CDC16: variants seen among roughly 807,000 people sequenced by gnomAD.
The protein encoded by CDC16 is cell division cycle 16.
A neutral mutation model predicts 87.0 loss-of-function variants in CDC16; 34 were observed. The observed-to-expected ratio is 0.39, with a 90% CI of 0.30 to 0.52. The LOEUF is 0.52. Among genes scored for constraint, CDC16 ranks in the 20% least tolerant of loss-of-function variants. CDC16 has a pLI of 0.74. For synonymous variants in CDC16, 263 were observed against 260.6 expected (o/e 1.01, Z -0.09); for missense variants, 653 against 751.9 (o/e 0.87, Z 1.54).
At position 114,259,369 on chromosome 13, in the gene CDC16, T is replaced by A. The variant is rs144801022; in HGVS notation, c.1285T>A (p.Leu429Met). The A allele has an allele frequency of 6.3e-7, 1 of 1,576,368 alleles. No individual in the cohort carries two copies. Among genetic ancestry groups the A allele is most frequent in the Non-Finnish European group, 8.5e-7 (1 of 1,169,814 alleles). ...AGCCGAAAAATGGTTTCTTGATGCT[T>A]TGGAAAAAATTAAAGCAATTGGGAA... ...KTAEKWFLDALEKIKAIGNEV... is the reference protein window; with the variant it reads ...KTAEKWFLDAMEKIKAIGNEV... The change falls in exon 14 of 18, where the codon TTG (leucine) becomes ATG (methionine). Residue 429 changes from leucine (L) to methionine (M), a missense_variant. Coordinates refer to ENST00000356221, the MANE Select transcript of CDC16 (RefSeq NM_001078645.3).
chr13:114,242,330 T>G (rs2081592606), intron 6 of CDC16, 50 bp downstream of exon 6: 1 of 1,548,226 alleles, frequency 6.5e-7, no homozygotes, highest in Non-Finnish European at 8.8e-7. Context: ...ATTAATATTG[T>G]TTGGATTTTT....
chr13:114,271,684 T>G (rs559089311), intron 17 of CDC16, among the ~76,000 whole-genome samples: 1 of 151,272 alleles, frequency 6.6e-6, no homozygotes, highest in African/African-American at 2.4e-5. Flanking sequence ...GGTTTCACCG[T>G]GTTAGCCAGG....
intron 11 of CDC16, 174 bp downstream of exon 11, chr13:114,247,178 A>G (rs540521084): frequency 1.8e-6 from 1 of 551,454 alleles, no homozygotes; most frequent in Non-Finnish European, 3.2e-6. Context: ...TTTCCTTCTC[A>G]CCTCCCCTCC....
chr13:114,252,114 T>C (rs1314848811), intron 12 of CDC16, among the ~76,000 whole-genome samples: 1 of 150,930 alleles, frequency 6.6e-6, no homozygotes, highest in African/African-American at 2.4e-5. Context: ...ACACTAGCCC[T>C]GTTGGATAAG....
rs1049211520 is a variant in CDC16 at position 114,251,960 on chromosome 13, A to T, written c.1097+1286A>T. Among the ~76,000 whole-genome samples the T allele has an allele frequency of 2.6e-5, 4 of 151,870 alleles. No individual in the cohort carries two copies. In the East Asian group the frequency reaches 7.7e-4, roughly 29 times the overall value. On this transcript the variant is annotated intron_variant, in intron 12 of 17. Transcript: ENST00000356221. ...GAGCCCTACACTAGCCCTGTTGGAT[A>T]AGAGCCCTACACTAGCCCTGTTGGA...
At position 114,243,292 on chromosome 13, in the gene CDC16, C is replaced by A; in HGVS notation, c.577C>A (p.Leu193Met). The change falls in exon 7 of 18, where the codon CTG becomes ATG. Residue 193 changes from leucine to methionine, a missense_variant. Leu to Met is a conservative substitution (Grantham distance 15). Transcript: ENST00000356221. ...ELLESLPLSKLCNEEQELLRF... is the reference protein window; with the variant it reads ...ELLESLPLSKMCNEEQELLRF... ...TCTTGAATCACTACCCCTTAGCAAGCTGTGTAATGAAGAACAGGAATTGCT... is the reference window on the plus strand; with the variant it reads ...TCTTGAATCACTACCCCTTAGCAAGATGTGTAATGAAGAACAGGAATTGCT... 2 of 1,589,680 alleles carry A rather than the reference C, an allele frequency of 1.3e-6. No individual in the cohort carries two copies. The highest frequency in any genetic ancestry group is 1.7e-6 in the Non-Finnish European group (2 of 1,158,522).
rs180713887 is a variant in CDC16, at chr13:114,271,075, C to T, written c.1604-1109C>T. On this transcript the variant is annotated intron_variant, in intron 17 of 17. Coordinates refer to ENST00000356221, the MANE Select transcript of CDC16 (RefSeq NM_001078645.3). ...TAGCTGGGACTACAGGCGCCCGCCA[C>T]TATGCCCGGCTAATTTTTTGTATTT... Among the ~76,000 whole-genome samples the T allele has an allele frequency of 3.2e-3, 479 of 152,000 alleles. 2 individuals are homozygous for T. The highest frequency in any genetic ancestry group is 0.02 in the Middle Eastern group (6 of 294).
chr13:114,237,299 CTTT>C (rs1398027023), intron 3 of CDC16, among the ~76,000 whole-genome samples: 1 of 151,388 alleles, frequency 6.6e-6, no homozygotes, highest in African/African-American at 2.4e-5. Context: ...TGCAATTTTT[CTTT>C]GTTTTTGTTT....
rs191598103 is a variant in CDC16, at chr13:114,269,997, C to A, written c.1604-2187C>A. The stretch of plus-strand genomic sequence containing the variant: ...CTGGGATTATAGGCGTGAGCCACCA[C>A]GCCCAACAAATTTCACAGATTTTTG... On this transcript the variant is annotated intron_variant, in intron 17 of 17. Coordinates refer to ENST00000356221, the MANE Select transcript of CDC16 (RefSeq NM_001078645.3). Among the ~76,000 whole-genome samples the A allele has an allele frequency of 3.3e-5, 5 of 152,328 alleles. No individual in the cohort carries two copies. In the East Asian group the frequency reaches 7.7e-4, roughly 23 times the overall value.
chr13:114,243,798 C>T (rs974006616), intron 7 of CDC16, 58 bp from the exon 8 acceptor site: 35 of 1,426,770 alleles, frequency 2.5e-5, no homozygotes, highest in Non-Finnish European at 3.4e-5. Flanking sequence ...CAAATTGAAT[C>T]CACATTTTAT....
chr13:114,235,343 C>T (rs1027484381), intron 1 of CDC16, among the ~76,000 whole-genome samples: 2 of 152,160 alleles, frequency 1.3e-5, no homozygotes, highest in East Asian at 1.9e-4. Flanking sequence ...GGAGTGGAGG[C>T]CCCCGAGCGC....
At chr13:114,268,046 C>T (rs574164543) in intron 17 of CDC16, among the ~76,000 whole-genome samples, 9 of 152,156 alleles carry the variant, frequency 5.9e-5, no homozygotes, top group Non-Finnish European at 1.3e-4. Flanking sequence ...AAACCTTTCA[C>T]TGTCACCAGA....
At chr13:114,248,873 A>G (rs2082006000) in intron 11 of CDC16, among the ~76,000 whole-genome samples, 1 of 152,042 alleles carries the variant, frequency 6.6e-6, no homozygotes, top group Admixed American at 6.6e-5. Flanking sequence ...ATTTTGAGCT[A>G]TGCTGCTTTG....
Position 114,239,422 on chromosome 13 carries a change from G to C in CDC16, c.313G>C (p.Glu105Gln), listed in dbSNP as rs771164006. 2.5e-6 allele frequency: 4 copies of C among 1,613,102 alleles called. No individual in the cohort carries two copies. Among genetic ancestry groups the C allele is most frequent in the Middle Eastern group, 1.7e-4 (1 of 6,060 alleles). The change falls in exon 5 of 18, where the codon GAA becomes CAA. Residue 105 changes from glutamate to glutamine, a missense_variant. Coordinates refer to ENST00000356221, the MANE Select transcript of CDC16 (RefSeq NM_001078645.3). ...MEEPINKRLFEKYLKDESGFK... is the reference protein window; with the variant it reads ...MEEPINKRLFQKYLKDESGFK... ...AGAGCCCATCAATAAAAGATTATTT[G>C]AAAAATACTTGAAGGACGAAAGTGG...
At chr13:114,247,185 C>A in intron 11 of CDC16, 181 bp downstream of exon 11, 1 of 577,878 alleles carries the variant, frequency 1.7e-6, no homozygotes, top group Non-Finnish European at 3.1e-6. Context: ...CTCACCTCCC[C>A]TCCCCTCTCT....
intron 3 of CDC16, 26 bp from the exon 4 acceptor site, chr13:114,238,964 C>T (rs1447460599): frequency 4.4e-6 from 7 of 1,605,786 alleles, no homozygotes; most frequent in Non-Finnish European, 6.0e-6. Context: ...TTGACCACTA[C>T]TTAAACAAAT....
chr13:114,269,277 C>G (rs1235910972), intron 17 of CDC16, among the ~76,000 whole-genome samples: 1 of 152,152 alleles, frequency 6.6e-6, no homozygotes, highest in Non-Finnish European at 1.5e-5. Context: ...AGGACAAGAA[C>G]CACAGTTCAG....
chr13:114,243,277 C>A lies in CDC16; in HGVS notation c.562C>A (p.Leu188Ile). 1 of 1,552,090 alleles carries A rather than the reference C, an allele frequency of 6.4e-7. No individual in the cohort carries two copies. The highest frequency in any genetic ancestry group is 8.9e-7 in the Non-Finnish European group (1 of 1,124,866). The change falls in exon 7 of 18, where the codon CTA (leucine) becomes ATA (isoleucine). Residue 188 changes from leucine (L) to isoleucine (I), a missense_variant. Leu to Ile is a conservative substitution (Grantham distance 5). Transcript: ENST00000356221. The part of the protein sequence containing the change: ...AQEEKELLES[L>I]PLSKLCNEEQ... ...TTAAGAAAAAGAACTTCTTGAATCA[C>A]TACCCCTTAGCAAGCTGTGTAATGA...
In CDC16 at chr13:114,272,360, C is replaced by A; in HGVS notation, c.1780C>A (p.Pro594Thr). ...CTCAAGGAAAACTCCAGATTCCAGACCTTCCTTGGAAGAAACCTTTGAAAT... is the reference window on the plus strand; with the variant it reads ...CTCAAGGAAAACTCCAGATTCCAGAACTTCCTTGGAAGAAACCTTTGAAAT... ...ETSRKTPDSRPSLEETFEIEM... is the reference protein window; with the variant it reads ...ETSRKTPDSRTSLEETFEIEM... The change falls in exon 18 of 18, where the codon CCT becomes ACT. Residue 594 changes from proline to threonine, a missense_variant. Transcript: ENST00000356221. The A allele has an allele frequency of 6.2e-7, 1 of 1,613,894 alleles. No individual in the cohort carries two copies. The highest frequency in any genetic ancestry group is 8.5e-7 in the Non-Finnish European group (1 of 1,179,712).
Sources: gnomAD v4.1 joint callset for allele counts (sites outside exome capture counted in the v4.1 genomes callset) on GRCh38, gnomAD v4.1.1 for gene constraint, MANE v1.5 for transcripts, NCBI Gene and HGNC (gene_info 2026-07-23, HGNC 2026-07-21) for gene names.